Variants in CSNK2A2IP observed in about 807,000 individuals in gnomAD.
CSNK2A2IP encodes the protein casein kinase II subunit alpha'-interacting protein.
the CSNK2A2IP span, among the ~76,000 whole-genome samples, chr3:88,460,163 C>T: frequency 2.0e-5 from 3 of 151,850 alleles, no homozygotes; most frequent in Admixed American, 6.6e-5. Flanking sequence ...TCAGTTAATT[C>T]TTTCATGGTG....
the CSNK2A2IP span, among the ~76,000 whole-genome samples, chr3:88,413,405 T>C: frequency 6.6e-6 from 1 of 151,962 alleles, no homozygotes; most frequent in South Asian, 2.1e-4. Flanking sequence ...AAAAAACATT[T>C]TGAGGATGAT....
chr3:88,392,206 C>A, the CSNK2A2IP span, among the ~76,000 whole-genome samples: 1 of 152,036 alleles, frequency 6.6e-6, no homozygotes, highest in South Asian at 2.1e-4. Context: ...CAAACTGAAG[C>A]ATAAAAGATA....
At chr3:88,457,703 A>AAT in the CSNK2A2IP span, among the ~76,000 whole-genome samples, 1 of 91,568 alleles carries the variant, frequency 1.1e-5, no homozygotes, top group South Asian at 4.0e-4. Flanking sequence ...CTCAAAATAA[A>AAT]ATAAAATAAA....
the CSNK2A2IP span, among the ~76,000 whole-genome samples, chr3:88,386,416 G>A: frequency 3.2e-4 from 48 of 152,228 alleles, no homozygotes; most frequent in African/African-American, 1.0e-3. Context: ...GTGAGCCAGC[G>A]TACCCAGCCG....
At chr3:88,405,115 C>A in the CSNK2A2IP span, among the ~76,000 whole-genome samples, 2 of 152,194 alleles carry the variant, frequency 1.3e-5, no homozygotes, top group South Asian at 4.1e-4. Flanking sequence ...CCACCCAGTT[C>A]TTTCACTATA....
At chr3:88,443,841 T>G in the CSNK2A2IP span, among the ~76,000 whole-genome samples, 1 of 152,142 alleles carries the variant, frequency 6.6e-6, no homozygotes, top group Non-Finnish European at 1.5e-5. Flanking sequence ...ATTATTTCCT[T>G]TGCTACTCAC....
At chr3:88,433,820 A>T in the CSNK2A2IP span, among the ~76,000 whole-genome samples, 54,692 of 151,930 alleles carry the variant, frequency 0.36, 11,098 homozygotes, top group Non-Finnish European at 0.47. Flanking sequence ...TTGATTACTT[A>T]TAGCTGTTGC....
At chr3:88,389,732 T>C in the CSNK2A2IP span, among the ~76,000 whole-genome samples, 2 of 151,938 alleles carry the variant, frequency 1.3e-5, no homozygotes, top group Non-Finnish European at 2.9e-5. Context: ...GGATTCTGAA[T>C]GTATTTTAAG....
the CSNK2A2IP span, among the ~76,000 whole-genome samples, chr3:88,457,388 G>C: frequency 6.6e-6 from 1 of 151,322 alleles, no homozygotes; most frequent in Non-Finnish European, 1.5e-5. Flanking sequence ...AAGAAATATT[G>C]ATGCATAGTT....
chr3:88,418,812 G>T, the CSNK2A2IP span, among the ~76,000 whole-genome samples: 1 of 152,080 alleles, frequency 6.6e-6, no homozygotes, highest in Non-Finnish European at 1.5e-5. Context: ...CCACTGTCTG[G>T]TACTGGTCTG....
At chr3:88,448,224 G>A in the CSNK2A2IP span, among the ~76,000 whole-genome samples, 4 of 152,272 alleles carry the variant, frequency 2.6e-5, no homozygotes, top group African/African-American at 4.8e-5. Context: ...CTGAGATCCT[G>A]GATCCTACAC....
At chr3:88,395,835 C>A in the CSNK2A2IP span, among the ~76,000 whole-genome samples, 3 of 152,084 alleles carry the variant, frequency 2.0e-5, no homozygotes, top group Non-Finnish European at 4.4e-5. Context: ...AAGTATACTC[C>A]TGTTTCACAT....
At chr3:88,467,459 G>A in the CSNK2A2IP span, 8 of 398,408 alleles carry the variant, frequency 2.0e-5, no homozygotes, top group East Asian at 7.1e-5. Context: ...AAACCAAATC[G>A]AAGCCAATCA....
the CSNK2A2IP span, among the ~76,000 whole-genome samples, chr3:88,385,224 A>G: frequency 6.6e-6 from 1 of 152,310 alleles, no homozygotes; most frequent in South Asian, 2.1e-4. Context: ...GAGACTGAAA[A>G]TGAAAGAGCG....
the CSNK2A2IP span, among the ~76,000 whole-genome samples, chr3:88,342,759 C>T: frequency 6.6e-6 from 1 of 151,430 alleles, no homozygotes; most frequent in Admixed American, 6.6e-5. Context: ...ACTCTACCAC[C>T]TCCATTACTC....
At chr3:88,460,917 A>G in the CSNK2A2IP span, among the ~76,000 whole-genome samples, 29 of 151,926 alleles carry the variant, frequency 1.9e-4, no homozygotes, top group Non-Finnish European at 3.8e-4. Flanking sequence ...GCGAAATCCC[A>G]TCTCTACTAA....
chr3:88,466,727 T>A, the CSNK2A2IP span: 1 of 1,034,710 alleles, frequency 9.7e-7, no homozygotes, highest in African/African-American at 1.7e-5. Flanking sequence ...TTTAGAAGGA[T>A]GAGGGGAAGG....
the CSNK2A2IP span, among the ~76,000 whole-genome samples, chr3:88,426,288 T>C: frequency 2.0e-5 from 3 of 152,190 alleles, no homozygotes; most frequent in Non-Finnish European, 4.4e-5. Flanking sequence ...GACATTCTAA[T>C]GGTCCCTGGC....
chr3:88,407,722 A>ATTTG, the CSNK2A2IP span, among the ~76,000 whole-genome samples: 3 of 148,142 alleles, frequency 2.0e-5, no homozygotes, highest in Admixed American at 1.3e-4. Flanking sequence ...CTATTTATTT[A>ATTTG]TTTATTTATT....
Sources: gnomAD v4.1 joint callset for allele counts (sites outside exome capture counted in the v4.1 genomes callset) on GRCh38, gnomAD v4.1.1 for gene constraint, MANE v1.5 for transcripts, NCBI Gene and HGNC (gene_info 2026-07-23, HGNC 2026-07-21) for gene names.